The following WDR27 variants were observed in gnomAD, a reference collection of about 807,000 sequenced individuals.
The protein encoded by WDR27 is WD repeat-containing protein 27.
WDR27 carries 100 observed loss-of-function variants against 114.4 expected under a neutral mutation model. The ratio of observed to expected loss-of-function variants is 0.87; its 90% CI spans 0.74 to 1.03. WDR27 has a LOEUF of 1.03. WDR27 is among the 50% of genes least tolerant of loss of function. WDR27 has a pLI of 0.00. For missense variants in WDR27, 1,129 were observed against 1,092.9 expected, an observed-to-expected ratio of 1.03 and a Z score of -0.47; for synonymous variants, 449 against 423.1, an observed-to-expected ratio of 1.06 and a Z score of -0.75.
intron 25 of WDR27, among the ~76,000 whole-genome samples, chr6:169,528,754 C>T (rs1306269682): frequency 1.3e-5 from 2 of 152,112 alleles, no homozygotes; most frequent in African/African-American, 2.4e-5. Context: ...CTCGAACTCC[C>T]GGCCTCAAGT....
At chr6:169,555,177 C>A (rs1023139568) in intron 25 of WDR27, among the ~76,000 whole-genome samples, 8 of 152,204 alleles carry the variant, frequency 5.3e-5, no homozygotes, top group African/African-American at 1.9e-4. Context: ...CCCGGGTCCT[C>A]TTCACATCAG....
chr6:169,464,849 G>A (rs923747770), intron 25 of WDR27, among the ~76,000 whole-genome samples: 16 of 152,364 alleles, frequency 1.1e-4, no homozygotes, highest in East Asian at 1.9e-4. Context: ...GGCCAGGCAC[G>A]GTGGCCCATG....
intron 23 of WDR27, among the ~76,000 whole-genome samples, chr6:169,583,636 G>A (rs1199334755): frequency 6.6e-6 from 1 of 151,718 alleles, no homozygotes; most frequent in East Asian, 1.9e-4. Context: ...ATTGAGAGAT[G>A]AGATAATCAT....
At chr6:169,688,013 A>G (rs1483394060) in intron 2 of WDR27, among the ~76,000 whole-genome samples, 3 of 152,222 alleles carry the variant, frequency 2.0e-5, no homozygotes, top group Non-Finnish European at 1.5e-5. Flanking sequence ...CAACAGAAGC[A>G]TGGATAAAGT....
chr6:169,601,630 C>G (rs145054259), intron 23 of WDR27, among the ~76,000 whole-genome samples: 74 of 152,288 alleles, frequency 4.9e-4, no homozygotes, highest in African/African-American at 1.6e-3. Context: ...TGCAAGGCCA[C>G]CCATGAGTAT....
intron 25 of WDR27, among the ~76,000 whole-genome samples, chr6:169,485,499 C>G (rs1307588745): frequency 6.6e-6 from 1 of 151,982 alleles, no homozygotes; most frequent in South Asian, 2.1e-4. Flanking sequence ...ATTAAGAAGT[C>G]GAAAAATAAC....
rs1825437402 is a variant in WDR27 at position 169,659,671 on chromosome 6, T to G, written c.1130-153A>C. ...ACTTTGCAGGCTGTGCACCACATCC[T>G]CACACATACAAGGCCCCAGGCCACA... On this transcript the variant is annotated intron_variant, in intron 10 of 25. Transcript: ENST00000448612. The surrounding 1 kb of genome is among the most constrained non-coding windows in gnomAD (Gnocchi z 4.3). Among the ~76,000 whole-genome samples the G allele has an allele frequency of 6.6e-6, 1 of 151,414 alleles. No individual in the cohort carries two copies. The highest frequency in any genetic ancestry group is 2.4e-5 in the African/African-American group (1 of 41,182).
chr6:169,632,820 G>T, intron 21 of WDR27, 127 bp downstream of exon 21: 3 of 890,532 alleles, frequency 3.4e-6, no homozygotes, highest in East Asian at 3.0e-5. Flanking sequence ...ATAATTTAAT[G>T]ATCAATAAAA....
chr6:169,491,379 AATTC>A (rs1789735993), intron 25 of WDR27, among the ~76,000 whole-genome samples: 1 of 152,140 alleles, frequency 6.6e-6, no homozygotes, highest in Non-Finnish European at 1.5e-5. Flanking sequence ...TGAAATGTGA[AATTC>A]CAAAATTTTA....
rs1036708668 is a variant in WDR27 at position 169,636,623 on chromosome 6, T to C, written c.1870-119A>G. The C allele has an allele frequency of 5.0e-6, 5 of 1,010,006 alleles. No homozygotes were observed. In the African/African-American group the frequency reaches 5.0e-5, roughly 10 times the overall value. The allele number at this position is 1,010,006 out of a possible 1,614,324, so 62.6% of individuals were successfully genotyped here. A position where few individuals can be genotyped will look rare whatever the true frequency, so the allele number is the denominator to read the frequency against. On this transcript the variant is annotated intron_variant, in intron 18 of 25. Coordinates refer to ENST00000448612, the MANE Select transcript of WDR27 (RefSeq NM_182552.5). ...CATCTATTTGTTCTAAATGTGTACA[T>C]AAACTTTGTTAGACCCAATCTACAA... is the stretch of plus-strand genomic sequence containing the variant.
intron 21 of WDR27, among the ~76,000 whole-genome samples, chr6:169,626,265 T>A (rs1814787415): frequency 6.6e-6 from 1 of 152,114 alleles, no homozygotes; most frequent in African/African-American, 2.4e-5. Context: ...CCTATGCGGG[T>A]GTGGGTGTCG....
intron 25 of WDR27, among the ~76,000 whole-genome samples, chr6:169,522,862 T>G (rs574137607): frequency 5.3e-5 from 8 of 151,754 alleles, no homozygotes; most frequent in Non-Finnish European, 1.0e-4. Context: ...TTCAAAAAAG[T>G]AGAAAGGCTT....
chr6:169,472,376 T>A (rs1786539782), intron 25 of WDR27, among the ~76,000 whole-genome samples: 2 of 152,198 alleles, frequency 1.3e-5, no homozygotes, highest in Non-Finnish European at 1.5e-5. Flanking sequence ...ATATTTTCTA[T>A]AGTTTCTGTG....
intron 25 of WDR27, among the ~76,000 whole-genome samples, chr6:169,510,524 C>G (rs972971142): frequency 6.6e-6 from 1 of 151,046 alleles, no homozygotes; most frequent in African/African-American, 2.4e-5. Context: ...AGCAAACTAT[C>G]GCAAGGACAA....
chr6:169,427,891 G>C, the WDR27 span, among the ~76,000 whole-genome samples: 1 of 151,422 alleles, frequency 6.6e-6, no homozygotes, highest in African/African-American at 2.4e-5. Flanking sequence ...AACTTGGGCC[G>C]AGCATAAGGA....
intron 7 of WDR27, chr6:169,665,189 T>G: frequency 8.8e-7 from 1 of 1,134,290 alleles, no homozygotes; most frequent in Non-Finnish European, 1.1e-6. Context: ...CTCACAGCCC[T>G]CTTCTCAGCA....
chr6:169,669,361 G>A (rs944770707), intron 4 of WDR27, among the ~76,000 whole-genome samples: 13 of 152,144 alleles, frequency 8.5e-5, no homozygotes, highest in African/African-American at 1.2e-4. Flanking sequence ...AGGATCTCAC[G>A]GGCTGCACAC....
intron 20 of WDR27, among the ~76,000 whole-genome samples, chr6:169,633,899 A>AT (rs1267814139): frequency 6.6e-6 from 1 of 152,232 alleles, no homozygotes; most frequent in Non-Finnish European, 1.5e-5. Context: ...AAACCCTCCA[A>AT]TAGAGTTCAA....
At chr6:169,631,837 A>T (rs1816478169) in intron 21 of WDR27, among the ~76,000 whole-genome samples, 1 of 152,178 alleles carries the variant, frequency 6.6e-6, no homozygotes. Flanking sequence ...TGAACTGATT[A>T]AAAAACTTTA....
Sources: gnomAD v4.1 joint callset for allele counts (sites outside exome capture counted in the v4.1 genomes callset) on GRCh38, gnomAD v4.1.1 for gene constraint, Gnocchi (gnomAD v3.1) non-coding constraint, MANE v1.5 for transcripts, NCBI Gene and HGNC (gene_info 2026-07-23, HGNC 2026-07-21) for gene names.